GNA12: variants seen among roughly 807,000 people sequenced by gnomAD.
GNA12 encodes the protein G protein subunit alpha 12.
A neutral mutation model predicts 26.0 loss-of-function variants in GNA12; 9 were observed. The ratio of observed to expected loss-of-function variants is 0.35; its 90% confidence interval spans 0.21 to 0.60. The LOEUF (loss-of-function observed/expected upper bound fraction) is 0.60, where lower values mean the gene tolerates loss of function less well. Among genes scored for constraint, GNA12 ranks in the 20% least tolerant of loss-of-function variants. The pLI is 0.78. For missense variants in GNA12, 405 were observed against 525.8 expected, an observed-to-expected ratio of 0.77 and a Z score of 2.25; for synonymous variants, 264 against 219.6, an observed-to-expected ratio of 1.20 and a Z score of -1.79.
intron 2 of GNA12, among the ~76,000 whole-genome samples, chr7:2,773,055 G>T (rs1791988104): frequency 6.6e-6 from 1 of 152,168 alleles, no homozygotes; most frequent in African/African-American, 2.4e-5. Context: ...TTCAAAAACA[G>T]GCAAAACACT....
intron 1 of GNA12, among the ~76,000 whole-genome samples, chr7:2,818,159 C>T (rs542338938): frequency 6.6e-6 from 1 of 152,260 alleles, no homozygotes; most frequent in South Asian, 2.1e-4. Context: ...TTAAGAACAT[C>T]AATTATTTAC....
intron 1 of GNA12, among the ~76,000 whole-genome samples, chr7:2,841,904 C>T (rs78051896): frequency 3.2e-4 from 49 of 152,112 alleles, no homozygotes; most frequent in African/African-American, 1.1e-3. Flanking sequence ...AACTTCTCTC[C>T]GACTCTGCTT....
intron 1 of GNA12, among the ~76,000 whole-genome samples, chr7:2,832,293 A>T (rs947840236): frequency 6.6e-6 from 1 of 152,146 alleles, no homozygotes; most frequent in African/African-American, 2.4e-5. Flanking sequence ...AATCAGCTCC[A>T]CGAGGCCAGG....
At chr7:2,808,512 G>C (rs909336736) in intron 1 of GNA12, among the ~76,000 whole-genome samples, 6 of 152,208 alleles carry the variant, frequency 3.9e-5, no homozygotes, top group Non-Finnish European at 7.3e-5. Flanking sequence ...ATTTGGATGG[G>C]ATGGAGAGGG....
chr7:2,753,909 A>G (rs1410203320), intron 2 of GNA12, among the ~76,000 whole-genome samples: 1 of 152,034 alleles, frequency 6.6e-6, no homozygotes, highest in African/African-American at 2.4e-5. Flanking sequence ...TGTGGCAGGG[A>G]GAGCTCATGT....
At chr7:2,827,400 GATT>G (rs1005311856) in intron 1 of GNA12, among the ~76,000 whole-genome samples, 13 of 152,196 alleles carry the variant, frequency 8.5e-5, no homozygotes, top group African/African-American at 3.1e-4. Flanking sequence ...ATTTTACCTC[GATT>G]ATTTTAAAAA....
At chr7:2,820,401 C>CTTTTT (rs35674433) in intron 1 of GNA12, among the ~76,000 whole-genome samples, 24 of 126,352 alleles carry the variant, frequency 1.9e-4, no homozygotes, top group African/African-American at 3.3e-4. Flanking sequence ...CTCAATAAAG[C>CTTTTT]TTTTTTTTTT....
At chr7:2,763,559 T>C (rs1380824297) in intron 2 of GNA12, among the ~76,000 whole-genome samples, 1 of 152,238 alleles carries the variant, frequency 6.6e-6, no homozygotes, top group Non-Finnish European at 1.5e-5. Flanking sequence ...TCAATGGTCC[T>C]GTAATCTAAG....
intron 2 of GNA12, chr7:2,764,800 G>A (rs917921805): frequency 5.3e-5 from 8 of 152,180 alleles, no homozygotes; most frequent in African/African-American, 7.2e-5. Context: ...GTGAGCCGGC[G>A]GACCCTGAAG....
At chr7:2,742,258 T>C (rs798514) in intron 2 of GNA12, among the ~76,000 whole-genome samples, 36,289 of 151,950 alleles carry the variant, frequency 0.24, 4,997 homozygotes, top group Non-Finnish European at 0.29. Context: ...TTAAGTGATC[T>C]GCCCGCCTCA....
chr7:2,742,780 CTT>C (rs1033530183), intron 2 of GNA12, among the ~76,000 whole-genome samples: 5 of 152,204 alleles, frequency 3.3e-5, no homozygotes, highest in African/African-American at 9.7e-5. Flanking sequence ...GGTATGTAAT[CTT>C]TTATGGTGCT....
intron 1 of GNA12, among the ~76,000 whole-genome samples, chr7:2,816,889 A>T (rs1213238695): frequency 1.3e-5 from 2 of 152,212 alleles, no homozygotes; most frequent in East Asian, 3.9e-4. Flanking sequence ...CACTCCGGTG[A>T]CTTCTTACCG....
At chr7:2,755,653 T>C (rs965784301) in intron 2 of GNA12, among the ~76,000 whole-genome samples, 1 of 152,240 alleles carries the variant, frequency 6.6e-6, no homozygotes, top group African/African-American at 2.4e-5. Context: ...GGTAGATTCC[T>C]TGGGATTTTC....
intron 2 of GNA12, among the ~76,000 whole-genome samples, chr7:2,793,900 G>GAA (rs141650013): frequency 1.7e-4 from 24 of 141,122 alleles, no homozygotes; most frequent in East Asian, 1.6e-3. Flanking sequence ...AAAAAAAAAG[G>GAA]AAAAAAAAAG....
At chr7:2,744,354 G>C (rs1016588235) in intron 2 of GNA12, among the ~76,000 whole-genome samples, 6 of 152,182 alleles carry the variant, frequency 3.9e-5, no homozygotes, top group African/African-American at 1.4e-4. Flanking sequence ...CAGCATTTGT[G>C]GGTCACCAAT....
At chr7:2,815,220 A>C (rs1013686634) in intron 1 of GNA12, 7 of 352,842 alleles carry the variant, frequency 2.0e-5, no homozygotes, top group Middle Eastern at 8.4e-4. Flanking sequence ...TCAAGGAGGA[A>C]GCCAGTCAGC....
chr7:2,803,285 C>T (rs566019126), intron 1 of GNA12, among the ~76,000 whole-genome samples: 1 of 152,310 alleles, frequency 6.6e-6, no homozygotes, highest in Admixed American at 6.5e-5. Context: ...AGGCCTCGCT[C>T]ACAGACAGGC....
rs142765364 is a variant in GNA12 at position 2,832,040 on chromosome 7, C to G, written c.309+11813G>C. Among the ~76,000 whole-genome samples, 531 of 152,288 alleles carry G rather than the reference C, an allele frequency of 3.5e-3. 4 individuals are homozygous for G. Among genetic ancestry groups the G allele is most frequent in the African/African-American group, 0.011 (477 of 41,546 alleles). On this transcript the variant is annotated intron_variant, in intron 1 of 3. Transcript: ENST00000275364. ...TGGAGTTGTCAGTGACTGCCAGTAT[C>G]TCACCTTGACTGAGCATCAAACTGT...
intron 1 of GNA12, among the ~76,000 whole-genome samples, chr7:2,803,932 A>C (rs537104632): frequency 1.1e-3 from 170 of 152,346 alleles, no homozygotes; most frequent in African/African-American, 4.0e-3. Flanking sequence ...AAACTCCTGG[A>C]ATCATCTCCC....
Sources: allele counts gnomAD v4.1 joint callset (sites outside exome capture counted in the v4.1 genomes callset), GRCh38; gene constraint gnomAD v4.1.1; transcripts MANE v1.5; gene names NCBI Gene and HGNC (gene_info 2026-07-23, HGNC 2026-07-21).